KIAA0586: variants seen among roughly 807,000 people sequenced by gnomAD.
KIAA0586 encodes the protein KIAA0586.
A neutral mutation model predicts 169.8 loss-of-function variants in KIAA0586; 144 were observed. The ratio of observed to expected loss-of-function variants is 0.85; its 90% confidence interval spans 0.74 to 0.97. The LOEUF is 0.97. Ranked by LOEUF, KIAA0586 falls within the 50% of genes least tolerant of loss-of-function variation. The pLI, the probability that KIAA0586 is intolerant of heterozygous loss-of-function variation, is 0.00. For synonymous variants in KIAA0586, 625 were observed against 612.4 expected, an observed-to-expected ratio of 1.02 and a Z score of -0.30; for missense variants, 1,854 against 1,823.0, an observed-to-expected ratio of 1.02 and a Z score of -0.31.
At chr14:58,512,648 A>G in intron 29 of KIAA0586, 21 bp downstream of exon 29, 2 of 1,209,956 alleles carry the variant, frequency 1.7e-6, no homozygotes, top group Non-Finnish European at 1.1e-6. Flanking sequence ...TTTTTATGTA[A>G]TAATACAATA....
At chr14:58,450,338 G>A (rs539701206) in intron 7 of KIAA0586, among the ~76,000 whole-genome samples, 6 of 152,116 alleles carry the variant, frequency 3.9e-5, no homozygotes, top group South Asian at 2.1e-4. Flanking sequence ...CAGTTTCACC[G>A]CAGCTTCAGT....
At chr14:58,558,462 C>T in the KIAA0586 span, among the ~76,000 whole-genome samples, 15 of 152,170 alleles carry the variant, frequency 9.9e-5, no homozygotes, top group Non-Finnish European at 1.9e-4. Context: ...CAGGAGAACA[C>T]AGCAATAAAT....
At chr14:58,434,629 A>T (rs1223425788) in intron 4 of KIAA0586, among the ~76,000 whole-genome samples, 2 of 152,250 alleles carry the variant, frequency 1.3e-5, no homozygotes, top group Admixed American at 6.5e-5. Context: ...AGTTATGAGT[A>T]AATTATATTT....
chr14:58,515,684 A>T (rs2044702612), intron 29 of KIAA0586, among the ~76,000 whole-genome samples: 1 of 151,798 alleles, frequency 6.6e-6, no homozygotes, highest in African/African-American at 2.4e-5. Flanking sequence ...TCTGATAGGG[A>T]GGGGTTGGGG....
chr14:58,485,579 C>T (rs1046618639), intron 21 of KIAA0586, among the ~76,000 whole-genome samples: 1 of 152,112 alleles, frequency 6.6e-6, no homozygotes, highest in African/African-American at 2.4e-5. Context: ...TATGAAATGA[C>T]TGAAGTCAAG....
At chr14:58,482,778 A>G (rs925355398) in intron 21 of KIAA0586, 66 bp downstream of exon 21, 16 of 1,062,826 alleles carry the variant, frequency 1.5e-5, no homozygotes, top group African/African-American at 8.1e-5. Flanking sequence ...GCTGCATACC[A>G]TAAGATCATT....
intron 20 of KIAA0586, among the ~76,000 whole-genome samples, chr14:58,479,226 T>A (rs1271361370): frequency 6.6e-6 from 1 of 152,206 alleles, no homozygotes; most frequent in Non-Finnish European, 1.5e-5. Flanking sequence ...TCTGAACATA[T>A]GTGGAGGTAT....
chr14:58,509,048 G>A (rs957595746), intron 28 of KIAA0586, among the ~76,000 whole-genome samples: 1 of 152,048 alleles, frequency 6.6e-6, no homozygotes, highest in Admixed American at 6.6e-5. Context: ...GGGCAATGTG[G>A]CAAAATGCCA....
Position 58,444,125 on chromosome 14 carries a change from CA to C in KIAA0586, c.758del (p.Gln253ArgfsTer3). On this transcript the variant is annotated frameshift_variant, in exon 6 of 31. Coordinates refer to ENST00000652326, the MANE Select transcript of KIAA0586 (RefSeq NM_001329943.3). LOFTEE classifies it high-confidence loss of function. ...HEKQMNVFME[Q>X]HIRHLEKLQQ... ...AAAGCAAATGAATGTGTTTATGGAG[CA>C]GCACATAAGGCATCTTGAAAAGTTA... 1 of 1,613,598 alleles carries C rather than the reference CA, an allele frequency of 6.2e-7. No individual in the cohort carries two copies. The highest frequency in any genetic ancestry group is 1.3e-5 in the African/African-American group (1 of 75,038).
chr14:58,448,005 G>A (rs185024331), intron 6 of KIAA0586, among the ~76,000 whole-genome samples: 1 of 152,258 alleles, frequency 6.6e-6, no homozygotes, highest in African/African-American at 2.4e-5. Context: ...GAGGTTTAGG[G>A]TGAGGGCCTC....
chr14:58,557,824 T>G, the KIAA0586 span, among the ~76,000 whole-genome samples: 1 of 151,722 alleles, frequency 6.6e-6, no homozygotes, highest in East Asian at 1.9e-4. Context: ...GAGGAAGACT[T>G]TTTCTGCCTT....
chr14:58,443,414 A>G (rs1346420471), intron 5 of KIAA0586, among the ~76,000 whole-genome samples: 8 of 152,222 alleles, frequency 5.3e-5, no homozygotes, highest in Non-Finnish European at 1.0e-4. Flanking sequence ...TTTAGGCATC[A>G]TAAAATTATT....
chr14:58,528,910 G>A (rs1167852269), intron 29 of KIAA0586, among the ~76,000 whole-genome samples: 1 of 152,002 alleles, frequency 6.6e-6, no homozygotes, highest in Non-Finnish European at 1.5e-5. Context: ...ATCAATGAAT[G>A]CAGGAGCTGG....
At chr14:58,499,215 C>G (rs1477613868) in intron 27 of KIAA0586, among the ~76,000 whole-genome samples, 1 of 152,142 alleles carries the variant, frequency 6.6e-6, no homozygotes, top group Non-Finnish European at 1.5e-5. Context: ...CATACATACA[C>G]TTAAAACTTT....
intron 29 of KIAA0586, among the ~76,000 whole-genome samples, chr14:58,519,169 A>T (rs557329968): frequency 6.6e-6 from 1 of 152,272 alleles, no homozygotes; most frequent in South Asian, 2.1e-4. Context: ...AGGGGAATAC[A>T]TTTACCAGAG....
chr14:58,439,768 A>G (rs1234520417), intron 4 of KIAA0586: 2 of 884,858 alleles, frequency 2.3e-6, no homozygotes, highest in Non-Finnish European at 2.7e-6. Context: ...AAATGGGGAA[A>G]TATCAAAGAG....
chr14:58,515,343 C>T (rs774413054), intron 29 of KIAA0586, among the ~76,000 whole-genome samples: 1 of 152,106 alleles, frequency 6.6e-6, no homozygotes, highest in African/African-American at 2.4e-5. Context: ...ACAAATATTT[C>T]TTTCTGGCAT....
intron 28 of KIAA0586, 69 bp downstream of exon 28, chr14:58,508,778 C>T (rs980723469): frequency 1.6e-6 from 2 of 1,263,384 alleles, no homozygotes; most frequent in Admixed American, 2.1e-5. Flanking sequence ...TAGCGTGGTA[C>T]CCCGTCAAGA....
In KIAA0586 at chr14:58,468,048, T is replaced by A. The variant is rs1393261035; in HGVS notation, c.2442+126T>A. 5 of 604,612 alleles carry A rather than the reference T, an allele frequency of 8.3e-6. No individual in the cohort carries two copies. In the East Asian group the frequency reaches 1.2e-4, roughly 15 times the overall value. 37.5% of individuals were successfully genotyped at this position (604,612 alleles called of 1,614,324 possible). ...TTTGATCATGACTCTTTTTTTTAAA[T>A]TTATTTTTATTTTTTAGACAGAGTT... On this transcript the variant is annotated intron_variant, in intron 16 of 30. Coordinates refer to ENST00000652326, the MANE Select transcript of KIAA0586 (RefSeq NM_001329943.3).
Sources: allele counts gnomAD v4.1 joint callset (sites outside exome capture counted in the v4.1 genomes callset), GRCh38; gene constraint gnomAD v4.1.1; transcripts MANE v1.5; gene names NCBI Gene and HGNC (gene_info 2026-07-23, HGNC 2026-07-21).